CTNNA3: variants seen among roughly 807,000 people sequenced by gnomAD.
CTNNA3 encodes catenin alpha-3.
Under a neutral mutation model 95.7 loss-of-function variants are expected in CTNNA3, and 76 were observed. That is an observed-to-expected ratio of 0.79 (90% confidence interval 0.66 to 0.96). The LOEUF is 0.96. Ranked by LOEUF, CTNNA3 falls within the 40% of genes least tolerant of loss-of-function variation. The pLI is 0.00. For missense variants in CTNNA3, 1,191 were observed against 1,089.8 expected (o/e 1.09, Z -1.31); for synonymous variants, 431 against 374.4 (o/e 1.15, Z -1.74).
chr10:66,949,130 A>G (rs558683632), intron 7 of CTNNA3, among the ~76,000 whole-genome samples: 2 of 152,366 alleles, frequency 1.3e-5, no homozygotes, highest in East Asian at 1.9e-4. Context: ...GGAGCCATTC[A>G]GCAATATGAA....
chr10:66,540,032 A>T (rs1449364299), intron 10 of CTNNA3, among the ~76,000 whole-genome samples: 4 of 152,078 alleles, frequency 2.6e-5, no homozygotes, highest in Non-Finnish European at 1.5e-5. Context: ...TAGAAAGCTG[A>T]CCTTCTTTTG....
chr10:67,605,017 G>A (rs910810094), intron 3 of CTNNA3, among the ~76,000 whole-genome samples: 2 of 152,102 alleles, frequency 1.3e-5, no homozygotes, highest in African/African-American at 4.8e-5. Context: ...ACCATTAAGA[G>A]CCAGCAATCC....
At chr10:67,129,128 A>T (rs1209720041) in intron 7 of CTNNA3, among the ~76,000 whole-genome samples, 3 of 152,190 alleles carry the variant, frequency 2.0e-5, no homozygotes, top group Non-Finnish European at 4.4e-5. Context: ...CCTGTGAGGG[A>T]AGGGACTGTG....
At chr10:67,157,434 G>A (rs567521811) in intron 7 of CTNNA3, among the ~76,000 whole-genome samples, 2 of 152,246 alleles carry the variant, frequency 1.3e-5, no homozygotes, top group South Asian at 2.1e-4. Flanking sequence ...CCTCCTGTAT[G>A]AGTGGAAGCT....
intron 11 of CTNNA3, among the ~76,000 whole-genome samples, chr10:66,463,756 CCCTTGCTGCAG>C (rs1480175828): frequency 6.6e-6 from 1 of 152,106 alleles, no homozygotes; most frequent in Non-Finnish European, 1.5e-5. Flanking sequence ...GCCATTCCCT[CCCTTGCTGCAG>C]CCTCGTCAAA....
intron 7 of CTNNA3, among the ~76,000 whole-genome samples, chr10:66,922,182 G>C (rs1846822729): frequency 6.6e-6 from 1 of 152,110 alleles, no homozygotes; most frequent in Non-Finnish European, 1.5e-5. Context: ...TTAAGGCCCT[G>C]GATGCATTGG....
rs149030053 is a variant in CTNNA3, at chr10:66,836,452, A to G, written c.1048-60928T>C. Among the ~76,000 whole-genome samples the G allele has an allele frequency of 2.0e-5, 3 of 152,232 alleles. No homozygotes were observed. The East Asian group carries it at 5.8e-4, about 29-fold the overall frequency. On this transcript the variant is annotated intron_variant, in intron 7 of 17. Transcript: ENST00000433211. The stretch of plus-strand genomic sequence containing the variant: ...AGTAAATTTCCCCAAATGGAGCTCC[A>G]TTATCCTGAGTATCCAACACTCAGA...
At chr10:67,447,074 C>T (rs918305396) in intron 5 of CTNNA3, among the ~76,000 whole-genome samples, 2 of 152,184 alleles carry the variant, frequency 1.3e-5, no homozygotes, top group Non-Finnish European at 2.9e-5. Flanking sequence ...CACTGCACTC[C>T]AGCCTGGGTG....
chr10:66,469,355 T>C (rs1839044450), intron 11 of CTNNA3, among the ~76,000 whole-genome samples: 1 of 151,604 alleles, frequency 6.6e-6, no homozygotes, highest in Admixed American at 6.6e-5. Flanking sequence ...AGACAAAGGG[T>C]AGAGAATAAG....
chr10:67,149,060 A>G (rs1220928044), intron 7 of CTNNA3, among the ~76,000 whole-genome samples: 3 of 152,230 alleles, frequency 2.0e-5, no homozygotes, highest in African/African-American at 7.2e-5. Context: ...GAAAGGCAAG[A>G]AAAGCAGGGG....
chr10:67,219,987 A>G (rs1474194562), intron 5 of CTNNA3, 117 bp from the exon 6 acceptor site: 1 of 791,200 alleles, frequency 1.3e-6, no homozygotes, highest in African/African-American at 1.8e-5. Flanking sequence ...TGAAGAAGTC[A>G]GCTATAAGTT....
At chr10:67,302,623 CA>C (rs1840373746) in intron 5 of CTNNA3, among the ~76,000 whole-genome samples, 2 of 152,260 alleles carry the variant, frequency 1.3e-5, no homozygotes, top group South Asian at 4.1e-4. Flanking sequence ...ACTTGACCTC[CA>C]ATAATCTATC....
intron 6 of CTNNA3, among the ~76,000 whole-genome samples, chr10:67,199,509 A>G (rs1478055748): frequency 6.6e-6 from 1 of 152,108 alleles, no homozygotes; most frequent in East Asian, 1.9e-4. Context: ...AGCTGGGACT[A>G]CAGGCGCATG....
chr10:65,931,382 A>C lies in CTNNA3; in HGVS notation c.2401-10765T>G, dbSNP rs1273086921. Reference sequence around the variant, plus strand: ...CAATATGTACTATGTCAGTTGTTTAAACATAGGTTAAGCAGCAGCAGCATT... The same window carrying C: ...CAATATGTACTATGTCAGTTGTTTACACATAGGTTAAGCAGCAGCAGCATT... On this transcript the variant is annotated intron_variant, in intron 17 of 17. Transcript: ENST00000433211. Among the ~76,000 whole-genome samples the C allele has an allele frequency of 2.0e-5, 3 of 152,214 alleles. No individual in the cohort carries two copies. In the East Asian group the frequency reaches 5.8e-4, roughly 29 times the overall value.
intron 13 of CTNNA3, among the ~76,000 whole-genome samples, chr10:66,204,321 T>C (rs1173670178): frequency 1.3e-5 from 2 of 152,110 alleles, no homozygotes; most frequent in Non-Finnish European, 2.9e-5. Flanking sequence ...TCCCTTACTG[T>C]TCAAAAGAAT....
intron 10 of CTNNA3, among the ~76,000 whole-genome samples, chr10:66,556,714 G>A (rs1355279194): frequency 6.6e-6 from 1 of 151,934 alleles, no homozygotes; most frequent in Non-Finnish European, 1.5e-5. Context: ...GGTTATCAGG[G>A]GCAGAAAGGT....
chr10:66,339,012 T>C (rs1021350970), intron 12 of CTNNA3, among the ~76,000 whole-genome samples: 4 of 152,002 alleles, frequency 2.6e-5, no homozygotes, highest in African/African-American at 9.6e-5. Context: ...AAACAATAAT[T>C]AAATTGATGT....
chr10:67,432,120 C>T (rs892986939), intron 5 of CTNNA3, among the ~76,000 whole-genome samples: 2 of 151,892 alleles, frequency 1.3e-5, no homozygotes, highest in African/African-American at 2.4e-5. Context: ...AAATTTATAT[C>T]GCTAAATGCC....
At chr10:66,616,276 A>G (rs1844509959) in intron 10 of CTNNA3, among the ~76,000 whole-genome samples, 1 of 152,064 alleles carries the variant, frequency 6.6e-6, no homozygotes, top group Non-Finnish European at 1.5e-5. Context: ...AGTGTTGAGA[A>G]ACTCCAAATC....
Sources: gnomAD v4.1 joint callset for allele counts (sites outside exome capture counted in the v4.1 genomes callset) on GRCh38, gnomAD v4.1.1 for gene constraint, MANE v1.5 for transcripts, NCBI Gene and HGNC (gene_info 2026-07-23, HGNC 2026-07-21) for gene names.